The following FGF7 variants were observed in gnomAD, a reference collection of about 807,000 sequenced individuals.
FGF7 encodes the protein FGF-7.
Under a neutral mutation model 20.5 loss-of-function variants are expected in FGF7, and 6 were observed. The observed-to-expected ratio is 0.29, with a 90% CI of 0.16 to 0.58. The LOEUF is 0.58. Ranked by LOEUF, FGF7 falls within the 20% of genes least tolerant of loss-of-function variation. FGF7 has a pLI of 0.90. For synonymous variants in FGF7, 64 were observed against 74.7 expected, an observed-to-expected ratio of 0.86 and a Z score of 0.74; for missense variants, 144 against 228.8, an observed-to-expected ratio of 0.63 and a Z score of 2.39.
rs1158134644 is a variant in FGF7, at chr15:49,424,211, G to C, written c.-87G>C. 3.4e-6 allele frequency: 4 copies of C among 1,178,392 alleles called. No individual in the cohort carries two copies. Among genetic ancestry groups the C allele is most frequent in the Admixed American group, 3.8e-5 (2 of 52,010 alleles). 73.0% of individuals were successfully genotyped at this position (1,178,392 alleles called of 1,614,324 possible). A position where few individuals can be genotyped will look rare whatever the true frequency, so the allele number is the denominator to read the frequency against. The stretch of plus-strand genomic sequence containing the variant: ...TAAATCAATCTACAATTCACAGATA[G>C]GAAGAGGTCAATGACCTAGGAGTAA... On this transcript the variant is annotated 5_prime_UTR_variant, in exon 2 of 4. Coordinates refer to ENST00000267843, the MANE Select transcript of FGF7 (RefSeq NM_002009.4).
chr15:49,429,728 AG>A (rs1350248548), intron 2 of FGF7, among the ~76,000 whole-genome samples: 1 of 151,962 alleles, frequency 6.6e-6, no homozygotes, highest in Non-Finnish European at 1.5e-5. Flanking sequence ...TCTGAGGTAC[AG>A]TCTGGGCATC....
At position 49,487,083 on chromosome 15, in the gene FGF7, C is replaced by T. The variant is rs957909254; in HGVS notation, c.*2579C>T. ...TTTTTTATTTCTGTTGAGATATAGC[C>T]TTTACATTTGTACACAAATGTGACT... On this transcript the variant is annotated 3_prime_UTR_variant, in exon 4 of 4. Transcript: ENST00000267843. 2.6e-5 allele frequency: 4 copies of T among 151,902 alleles called. No individual in the cohort carries two copies. Among genetic ancestry groups the T allele is most frequent in the African/African-American group, 9.6e-5 (4 of 41,488 alleles). 9.4% of individuals were successfully genotyped at this position (151,902 alleles called of 1,614,324 possible).
chr15:49,452,320 T>C (rs2052830132), intron 2 of FGF7, among the ~76,000 whole-genome samples: 1 of 152,182 alleles, frequency 6.6e-6, no homozygotes, highest in South Asian at 2.1e-4. Flanking sequence ...CCCACTGTTC[T>C]GGGATTACAG....
intron 2 of FGF7, among the ~76,000 whole-genome samples, chr15:49,436,395 C>T (rs1478896894): frequency 6.6e-6 from 1 of 151,500 alleles, no homozygotes; most frequent in African/African-American, 2.4e-5. Flanking sequence ...TTGCTTTAAA[C>T]CTTCCAGCTT....
At chr15:49,427,823 G>A (rs1846946508) in intron 2 of FGF7, among the ~76,000 whole-genome samples, 1 of 151,908 alleles carries the variant, frequency 6.6e-6, no homozygotes, top group African/African-American at 2.4e-5. Context: ...TTTGGGCTCG[G>A]GTAGATGGTT....
chr15:49,437,869 T>A (rs2051254780), intron 2 of FGF7, among the ~76,000 whole-genome samples: 1 of 151,552 alleles, frequency 6.6e-6, no homozygotes, highest in Non-Finnish European at 1.5e-5. Flanking sequence ...TTCAGGGAGT[T>A]AGAGGACTCT....
At chr15:49,448,778 G>A (rs1038955154) in intron 2 of FGF7, among the ~76,000 whole-genome samples, 2 of 151,672 alleles carry the variant, frequency 1.3e-5, no homozygotes, top group Non-Finnish European at 2.9e-5. Flanking sequence ...CAAATACCCA[G>A]TAGTCTAAGC....
intron 2 of FGF7, among the ~76,000 whole-genome samples, chr15:49,429,613 C>T (rs1385694026): frequency 6.6e-6 from 1 of 151,894 alleles, no homozygotes; most frequent in African/African-American, 2.4e-5. Flanking sequence ...TGCCTTTCTA[C>T]ATTTTTCTAT....
chr15:49,454,188 G>A (rs1245164433), intron 2 of FGF7, among the ~76,000 whole-genome samples: 2 of 152,122 alleles, frequency 1.3e-5, no homozygotes, highest in Non-Finnish European at 2.9e-5. Flanking sequence ...TATATAGTTA[G>A]CATTTTATCA....
chr15:49,470,618 A>G (rs974514817), intron 2 of FGF7, among the ~76,000 whole-genome samples: 3 of 152,208 alleles, frequency 2.0e-5, no homozygotes, highest in African/African-American at 7.2e-5. Flanking sequence ...TGACTTCTCT[A>G]ACTTCTTTTG....
chr15:49,460,071 T>G (rs925789281), intron 2 of FGF7, among the ~76,000 whole-genome samples: 7 of 152,166 alleles, frequency 4.6e-5, no homozygotes, highest in African/African-American at 1.7e-4. Context: ...AACAACAAAC[T>G]TTATGTTTTT....
Position 49,438,587 on chromosome 15 carries a change from T to C in FGF7, c.286+14004T>C, listed in dbSNP as rs369773100. 9.6e-4 allele frequency among the ~76,000 whole-genome samples: 145 copies of C among 151,804 alleles called. 5 individuals carry two copies. In the South Asian group the frequency reaches 0.027, roughly 28 times the overall value. ...ACATTATATATAGCATAGGAGTAGATTGAGTTGATAAGAAAGTGAGAGGGA... is the reference window on the plus strand; with the variant it reads ...ACATTATATATAGCATAGGAGTAGACTGAGTTGATAAGAAAGTGAGAGGGA... On this transcript the variant is annotated intron_variant, in intron 2 of 3. Transcript: ENST00000267843.
intron 2 of FGF7, among the ~76,000 whole-genome samples, chr15:49,470,532 C>T (rs1203746294): frequency 6.6e-6 from 1 of 152,102 alleles, no homozygotes; most frequent in Non-Finnish European, 1.5e-5. Flanking sequence ...TTATCACTCC[C>T]ACCTAGTAAA....
At chr15:49,474,403 T>C (rs1361847468) in intron 2 of FGF7, among the ~76,000 whole-genome samples, 1 of 152,134 alleles carries the variant, frequency 6.6e-6, no homozygotes, top group African/African-American at 2.4e-5. Flanking sequence ...TCACGTATAA[T>C]TGGTAACACA....
intron 2 of FGF7, among the ~76,000 whole-genome samples, chr15:49,457,261 T>G (rs1370389622): frequency 6.6e-6 from 1 of 151,872 alleles, no homozygotes; most frequent in Non-Finnish European, 1.5e-5. Context: ...ACTATAATAT[T>G]CCAAATGCGG....
chr15:49,427,941 A>C (rs1429615982), intron 2 of FGF7, among the ~76,000 whole-genome samples: 1 of 152,042 alleles, frequency 6.6e-6, no homozygotes, highest in Non-Finnish European at 1.5e-5. Context: ...CTGGATTGTG[A>C]GGTTGTCACT....
At chr15:49,443,460 G>A (rs2151848143) in intron 2 of FGF7, among the ~76,000 whole-genome samples, 1 of 151,572 alleles carries the variant, frequency 6.6e-6, no homozygotes, top group South Asian at 2.1e-4. Context: ...ACAAATCAGG[G>A]CTTGATTCAC....
At chr15:49,484,018 G>A (rs1375188310) in intron 3 of FGF7, among the ~76,000 whole-genome samples, 2 of 151,906 alleles carry the variant, frequency 1.3e-5, no homozygotes, top group East Asian at 3.9e-4. Flanking sequence ...GTTACTTAGG[G>A]GGAAATAGGT....
In FGF7 at chr15:49,469,306, C is replaced by G. The variant is rs564526447; in HGVS notation, c.287-13845C>G. On this transcript the variant is annotated intron_variant, in intron 2 of 3. Coordinates refer to ENST00000267843, the MANE Select transcript of FGF7 (RefSeq NM_002009.4). Reference sequence around the variant, plus strand: ...TACCACTTATCGAATACTGTCTATACAGAAAACTGCTGTTTATTCCAGGGA... The same window carrying G: ...TACCACTTATCGAATACTGTCTATAGAGAAAACTGCTGTTTATTCCAGGGA... Among the ~76,000 whole-genome samples, 14 of 152,184 alleles carry G rather than the reference C, an allele frequency of 9.2e-5. 1 individual carries two copies. In the South Asian group the frequency reaches 2.3e-3, roughly 25 times the overall value.
Sources: gnomAD v4.1 joint callset for allele counts (sites outside exome capture counted in the v4.1 genomes callset) on GRCh38, gnomAD v4.1.1 for gene constraint, MANE v1.5 for transcripts, NCBI Gene and HGNC (gene_info 2026-07-23, HGNC 2026-07-21) for gene names.